The following CTCF variants were observed in gnomAD, a reference collection of about 807,000 sequenced individuals.
The protein encoded by CTCF is CCCTC-binding factor.
Under a neutral mutation model 72.3 loss-of-function variants are expected in CTCF, and 7 were observed. The ratio of observed to expected loss-of-function variants is 0.10; its 90% confidence interval spans 0.06 to 0.18. The LOEUF (loss-of-function observed/expected upper bound fraction) is 0.18, where lower values mean the gene tolerates loss of function less well. Ranked by LOEUF, CTCF falls within the 10% of genes least tolerant of loss-of-function variation. The probability of loss-of-function intolerance (pLI) is 1.00; values close to 1 mark genes in which losing one functional copy is unlikely to be tolerated. For synonymous variants in CTCF, 374 were observed against 315.8 expected, an observed-to-expected ratio of 1.18 and a Z score of -1.95; for missense variants, 516 against 949.1, an observed-to-expected ratio of 0.54 and a Z score of 6.00.
At chr16:67,569,386 A>C (rs937473278) in intron 1 of CTCF, among the ~76,000 whole-genome samples, 2 of 150,870 alleles carry the variant, frequency 1.3e-5, no homozygotes, top group Non-Finnish European at 3.0e-5. Flanking sequence ...GGGTTTCACT[A>C]TGTTGGCCAG....
At position 67,639,163 on chromosome 16, in the gene CTCF, C is replaced by T. The variant is rs189959121; in HGVS notation, c.*1291C>T. 51 of 188,730 alleles carry T rather than the reference C, an allele frequency of 2.7e-4. No individual in the cohort carries two copies. The highest frequency in any genetic ancestry group is 1.9e-3 in the Middle Eastern group (1 of 516). The allele number at this position is 188,730 out of a possible 1,614,324, so 11.7% of individuals were successfully genotyped here. A position where few individuals can be genotyped will look rare whatever the true frequency, so the allele number is the denominator to read the frequency against. On this transcript the variant is annotated 3_prime_UTR_variant, in exon 12 of 12. Coordinates refer to ENST00000264010, the MANE Select transcript of CTCF (RefSeq NM_006565.4). ...CTGCTGTACAGCTAATAAATCATAA[C>T]GGATTAACAAGTGCTCCAAAGACTC...
chr16:67,629,941 A>AT (rs1003280726), intron 10 of CTCF, among the ~76,000 whole-genome samples: 1 of 148,974 alleles, frequency 6.7e-6, no homozygotes, highest in African/African-American at 2.5e-5. Flanking sequence ...GGCCTGGCTA[A>AT]TTTTTTTGTA....
intron 2 of CTCF, among the ~76,000 whole-genome samples, chr16:67,603,416 C>G (rs996898665): frequency 6.6e-6 from 1 of 151,628 alleles, no homozygotes; most frequent in African/African-American, 2.4e-5. Context: ...GCCTGTAGTC[C>G]CAGCTACTCA....
At position 67,638,765 on chromosome 16, in the gene CTCF, A is replaced by G. The variant is rs775191682; in HGVS notation, c.*893A>G. The G allele has an allele frequency of 1.1e-4, 23 of 218,550 alleles. No homozygotes were observed. The Middle Eastern group carries it at 4.2e-3, about 40-fold the overall frequency. 13.5% of individuals were successfully genotyped at this position (218,550 alleles called of 1,614,324 possible). The stretch of plus-strand genomic sequence containing the variant: ...TGTTTTATAAATCTTCTGTTAAGGC[A>G]GAAGGGTGATTATGAGTGGTTCACA... On this transcript the variant is annotated 3_prime_UTR_variant, in exon 12 of 12. Coordinates refer to ENST00000264010, the MANE Select transcript of CTCF (RefSeq NM_006565.4).
At chr16:67,599,986 A>AG (rs747570465) in intron 2 of CTCF, among the ~76,000 whole-genome samples, 5 of 152,162 alleles carry the variant, frequency 3.3e-5, no homozygotes, top group Non-Finnish European at 7.3e-5. Context: ...TGGTGTGCTC[A>AG]GGGGGGCTGG....
chr16:67,565,928 C>A (rs529105777), intron 1 of CTCF, among the ~76,000 whole-genome samples: 1 of 152,294 alleles, frequency 6.6e-6, no homozygotes, highest in Admixed American at 6.5e-5. Flanking sequence ...CAGAGCCTTG[C>A]AGGCTGGTGC....
chr16:67,601,106 G>A (rs1463671918), intron 2 of CTCF, among the ~76,000 whole-genome samples: 1 of 152,078 alleles, frequency 6.6e-6, no homozygotes, highest in Non-Finnish European at 1.5e-5. Flanking sequence ...AGGGAGTGGG[G>A]AGAATGACCT....
intron 2 of CTCF, among the ~76,000 whole-genome samples, chr16:67,597,220 T>G (rs56259266): frequency 0.043 from 6,615 of 152,108 alleles, 471 homozygotes; most frequent in African/African-American, 0.15. Context: ...ATTTTTAGTA[T>G]TGATGGAGTA....
chr16:67,620,943 T>C (rs1356500429), intron 6 of CTCF, 126 bp downstream of exon 6: 1 of 683,846 alleles, frequency 1.5e-6, no homozygotes, highest in Non-Finnish European at 2.2e-6. Context: ...TAGTATGGAA[T>C]TGATAATGCT....
At chr16:67,595,646 C>A (rs2051802173) in intron 2 of CTCF, among the ~76,000 whole-genome samples, 1 of 151,954 alleles carries the variant, frequency 6.6e-6, no homozygotes, top group Admixed American at 6.6e-5. Flanking sequence ...GAAATGGGTA[C>A]CATTTCCTTA....
At chr16:67,634,995 G>T (rs1455667103) in intron 10 of CTCF, among the ~76,000 whole-genome samples, 1 of 149,724 alleles carries the variant, frequency 6.7e-6, no homozygotes, top group Non-Finnish European at 1.5e-5. Context: ...GAGTCACTGC[G>T]CTGGGTAAAT....
At chr16:67,630,235 T>C (rs1387867622) in intron 10 of CTCF, among the ~76,000 whole-genome samples, 4 of 152,220 alleles carry the variant, frequency 2.6e-5, no homozygotes, top group African/African-American at 4.8e-5. Context: ...GTGAATCTAA[T>C]GGACATGAAG....
At chr16:67,562,935 G>T (rs1221854525) in intron 1 of CTCF, among the ~76,000 whole-genome samples, 3 of 11,378 alleles carry the variant, frequency 2.6e-4, no homozygotes, top group African/African-American at 6.7e-4. Flanking sequence ...CCGCCCGCCC[G>T]CCCGCCCGCT....
chr16:67,605,097 C>T (rs769978714), intron 2 of CTCF, among the ~76,000 whole-genome samples: 20 of 151,152 alleles, frequency 1.3e-4, no homozygotes, highest in South Asian at 2.1e-4. Context: ...CTCAGCCTCC[C>T]GAGTAGCTGG....
At chr16:67,576,948 G>A (rs899428607) in intron 2 of CTCF, among the ~76,000 whole-genome samples, 1 of 152,196 alleles carries the variant, frequency 6.6e-6, no homozygotes, top group Non-Finnish European at 1.5e-5. Flanking sequence ...GATCTCGTGA[G>A]AGTAAGTATA....
chr16:67,617,009 C>T (rs2052140069), intron 5 of CTCF, 131 bp downstream of exon 5: 3 of 851,640 alleles, frequency 3.5e-6, no homozygotes. Flanking sequence ...AACACTCCCA[C>T]ACAACACCGC....
Position 67,637,781 on chromosome 16 carries a change from A to G in CTCF, c.2093A>G (p.Glu698Gly), listed in dbSNP as rs996780408. Residue 698 changes from glutamate (E) to glycine (G), a missense_variant, in exon 12 of 12, where the codon GAG becomes GGG. Coordinates refer to ENST00000264010, the MANE Select transcript of CTCF (RefSeq NM_006565.4). ...VKKEPDAEPAEGEEEEAQPAA... is the reference protein window; with the variant it reads ...VKKEPDAEPAGGEEEEAQPAA... ...AAAGAGCCAGATGCTGAGCCCGCAG[A>G]GGGAGAGGAAGAGGAGGCCCAGCCA... 3 of 1,613,278 alleles carry G rather than the reference A, an allele frequency of 1.9e-6. No individual in the cohort carries two copies. The African/African-American group carries it at 4.0e-5, about 22-fold the overall frequency.
chr16:67,578,544 G>A (rs762115315), intron 2 of CTCF, among the ~76,000 whole-genome samples: 3 of 151,480 alleles, frequency 2.0e-5, no homozygotes, highest in Non-Finnish European at 4.4e-5. Context: ...TGTTGGCCAG[G>A]CTGGTCTCGA....
At chr16:67,626,737 TG>T in intron 8 of CTCF, 22 bp downstream of exon 8, 1 of 1,387,812 alleles carries the variant, frequency 7.2e-7, no homozygotes, top group Non-Finnish European at 9.4e-7. Flanking sequence ...CATTGAAAGT[TG>T]TTGGTGCTTT....
Sources: allele counts gnomAD v4.1 joint callset (sites outside exome capture counted in the v4.1 genomes callset), GRCh38; gene constraint gnomAD v4.1.1; transcripts MANE v1.5; gene names NCBI Gene and HGNC (gene_info 2026-07-23, HGNC 2026-07-21).